The following PRXL2B variants were observed in gnomAD, a reference collection of about 807,000 sequenced individuals.
The protein encoded by PRXL2B is prostamide/prostaglandin F synthase.
Under a neutral mutation model 24.4 loss-of-function variants are expected in PRXL2B, and 26 were observed. That is an observed-to-expected ratio of 1.07 (90% confidence interval 0.78 to 1.48). PRXL2B has a LOEUF of 1.48. PRXL2B is among the 40% of genes most tolerant of loss of function. The pLI, the probability that PRXL2B is intolerant of heterozygous loss-of-function variation, is 0.00. For synonymous variants in PRXL2B, 115 were observed against 118.9 expected (o/e 0.97, Z 0.21); for missense variants, 269 against 264.8 (o/e 1.02, Z -0.11).
chr1:2,587,376 C>A lies in PRXL2B; in HGVS notation c.268+81C>A, dbSNP rs577997915. 327 of 1,467,824 alleles carry A rather than the reference C, an allele frequency of 2.2e-4. 2 individuals carry two copies. Among genetic ancestry groups the A allele is most frequent in the South Asian group, 1.6e-3 (129 of 82,148 alleles). 90.9% of individuals were successfully genotyped at this position (1,467,824 alleles called of 1,614,324 possible). A position where few individuals can be genotyped will look rare whatever the true frequency, so the allele number is the denominator to read the frequency against. On this transcript the variant is annotated intron_variant, in intron 2 of 6. Coordinates refer to ENST00000419916, the MANE Select transcript of PRXL2B (RefSeq NM_152371.5). This position sits in a 1 kb window ranked among gnomAD's most constrained non-coding sequence, Gnocchi z 6.1. ...TTCGGGGCCCTTTCCTGCCCAACCC[C>A]GGCCCTTCTGTCTGCTGGAGCGGCC... is the stretch of plus-strand genomic sequence containing the variant.
In PRXL2B at chr1:2,590,970, A is replaced by C; in HGVS notation, c.*1543A>C. 5.3e-6 allele frequency: 8 copies of C among 1,522,348 alleles called. No individual in the cohort carries two copies. The highest frequency in any genetic ancestry group is 7.1e-6 in the Non-Finnish European group (8 of 1,132,690). The allele number at this position is 1,522,348 out of a possible 1,614,324, so 94.3% of individuals were successfully genotyped here. On this transcript the variant is annotated 3_prime_UTR_variant, in exon 7 of 7. Transcript: ENST00000419916. ...CGAGCAGCGGGTGGGCGTGGGCCGC[A>C]CAGCGCGGCAGGGCCTTGGCTACCA...
In PRXL2B at chr1:2,586,809, G is replaced by C. The variant is rs578078116; in HGVS notation, c.-77G>C. ...GGGGCTGGATCTATGAGCCGGGAGC[G>C]GGGATCCAGGAGCGAGGAGCCGGGA... On this transcript the variant is annotated 5_prime_UTR_variant, in exon 1 of 7. Coordinates refer to ENST00000419916, the MANE Select transcript of PRXL2B (RefSeq NM_152371.5). The C allele has an allele frequency of 4.9e-5, 62 of 1,262,870 alleles. No homozygotes were observed. Among genetic ancestry groups the C allele is most frequent in the Non-Finnish European group, 6.2e-5 (62 of 1,005,304 alleles). 78.2% of individuals were successfully genotyped at this position (1,262,870 alleles called of 1,614,324 possible).
At position 2,586,788 on chromosome 1, in the gene PRXL2B, C is replaced by T. The variant is rs1644525131; in HGVS notation, c.-98C>T. ...GGGCATCTCGGGGCGGGGCTTGGGG[C>T]TGGATCTATGAGCCGGGAGCGGGGA... On this transcript the variant is annotated 5_prime_UTR_variant, in exon 1 of 7. Transcript: ENST00000419916. 5 of 1,258,504 alleles carry T rather than the reference C, an allele frequency of 4.0e-6. No individual in the cohort carries two copies. Among genetic ancestry groups the T allele is most frequent in the Non-Finnish European group, 1.0e-6 (1 of 1,004,458 alleles). 78.0% of individuals were successfully genotyped at this position (1,258,504 alleles called of 1,614,324 possible). A position where few individuals can be genotyped will look rare whatever the true frequency, so the allele number is the denominator to read the frequency against.
At chr1:2,588,199 A>T in intron 3 of PRXL2B, 191 bp from the exon 4 acceptor site, 1 of 728,416 alleles carries the variant, frequency 1.4e-6, no homozygotes, top group Non-Finnish European at 2.3e-6. Context: ...GCTAGCAGCC[A>T]CTGGGCTCGG....
Position 2,591,171 on chromosome 1 carries a change from C to CA in PRXL2B, c.*1745dup. On this transcript the variant is annotated 3_prime_UTR_variant, in exon 7 of 7. Coordinates refer to ENST00000419916, the MANE Select transcript of PRXL2B (RefSeq NM_152371.5). Reference sequence around the variant, plus strand: ...TTTTAAGTTCTCCGTGATTAAAAACCAGCCCAAAACATCAGCCTAATGGCT... The same window carrying CA: ...TTTTAAGTTCTCCGTGATTAAAAACCAAGCCCAAAACATCAGCCTAATGGCT... 1 of 925,240 alleles carries CA rather than the reference C, an allele frequency of 1.1e-6. No homozygotes were observed. Among genetic ancestry groups the CA allele is most frequent in the Non-Finnish European group, 1.6e-6 (1 of 627,982 alleles). The allele number at this position is 925,240 out of a possible 1,614,324, so 57.3% of individuals were successfully genotyped here. A position where few individuals can be genotyped will look rare whatever the true frequency, so the allele number is the denominator to read the frequency against.
Position 2,590,916 on chromosome 1 carries a change from C to A in PRXL2B, c.*1489C>A. The A allele has an allele frequency of 1.6e-5, 19 of 1,201,294 alleles. No individual in the cohort carries two copies. The highest frequency in any genetic ancestry group is 2.1e-5 in the Non-Finnish European group (19 of 916,978). The allele number at this position is 1,201,294 out of a possible 1,614,324, so 74.4% of individuals were successfully genotyped here. On this transcript the variant is annotated 3_prime_UTR_variant, in exon 7 of 7. Transcript: ENST00000419916. ...CGGGGCGGGACGTACACTGGGTCGC[C>A]GCTAGCTGCACCTTCGCACAGATGC...
At position 2,589,016 on chromosome 1, in the gene PRXL2B, G is replaced by A; in HGVS notation, c.555G>A (p.Glu185=). ...TGCAGGTCCTGGGCATCTCTGCGGA[G>A]GTCTGTGCCAGCGACCCGCCTCAGG... ...HILQVLGISA[E]VCASDPPQCD... The change falls in exon 6 of 7, where the codon GAG becomes GAA. Residue 185 remains glutamate (E), a synonymous_variant. Transcript: ENST00000419916. 1 of 1,613,148 alleles carries A rather than the reference G, an allele frequency of 6.2e-7. No homozygotes were observed. The highest frequency in any genetic ancestry group is 8.5e-7 in the Non-Finnish European group (1 of 1,179,962).
rs1393640370 is a variant in PRXL2B, at chr1:2,587,254, TG to T, written c.230del (p.Gly77ValfsTer27). 2 of 1,578,570 alleles carry T rather than the reference TG, an allele frequency of 1.3e-6. No homozygotes were observed. Among genetic ancestry groups the T allele is most frequent in the Non-Finnish European group, 1.7e-6 (2 of 1,168,414 alleles). On this transcript the variant is annotated frameshift_variant, in exon 2 of 7. Transcript: ENST00000419916. LOFTEE classifies it high-confidence loss of function. The surrounding 1 kb of genome is among the most constrained non-coding windows in gnomAD (Gnocchi z 6.1). Reference protein sequence around the residue: ...VRLVGVGPEALGLQEFLDGDY... With the variant: ...VRLVGVGPEAXGLQEFLDGDY... Reference sequence around the variant, plus strand: ...CTGGTGGGCGTAGGGCCCGAGGCCCTGGGTCTGCAGGAGTTCCTGGACGGCG... The same window carrying T: ...CTGGTGGGCGTAGGGCCCGAGGCCCTGGTCTGCAGGAGTTCCTGGACGGCG...
At position 2,587,204 on chromosome 1, in the gene PRXL2B, G is replaced by A. The variant is rs1321087618; in HGVS notation, c.177G>A (p.Gly59=). The change falls in exon 2 of 7, where the codon GGG becomes GGA. Residue 59 remains glycine (G), a synonymous_variant. Transcript: ENST00000419916. The surrounding 1 kb of genome is among the most constrained non-coding windows in gnomAD (Gnocchi z 6.1). The part of the protein sequence containing the change: ...WIAQDLSSLA[G]LLDQHGVRLV... ...CCCAGGACCTCAGCAGCCTTGCTGG[G>A]CTCCTGGACCAACACGGCGTGCGCC... 6.4e-7 allele frequency: 1 copy of A among 1,568,684 alleles called. No individual in the cohort carries two copies. Among genetic ancestry groups the A allele is most frequent in the African/African-American group, 1.3e-5 (1 of 74,268 alleles).
At position 2,591,288 on chromosome 1, in the gene PRXL2B, C is replaced by T. The variant is rs1644696406; in HGVS notation, c.*1861C>T. 1.7e-6 allele frequency: 1 copy of T among 596,296 alleles called. No homozygotes were observed. Among genetic ancestry groups the T allele is most frequent in the Admixed American group, 3.0e-5 (1 of 32,880 alleles). 36.9% of individuals were successfully genotyped at this position (596,296 alleles called of 1,614,324 possible). A position where few individuals can be genotyped will look rare whatever the true frequency, so the allele number is the denominator to read the frequency against. ...TCCTGAGAATAACCTCCCCTCCAGC[C>T]AGAGATATTCCAACTCTGCAATAAA... On this transcript the variant is annotated 3_prime_UTR_variant, in exon 7 of 7. Transcript: ENST00000419916.
At position 2,587,811 on chromosome 1, in the gene PRXL2B, C is replaced by A. The variant is rs966917721; in HGVS notation, c.320+19C>A. 2.3e-5 allele frequency: 36 copies of A among 1,588,808 alleles called. No individual in the cohort carries two copies. Among genetic ancestry groups the A allele is most frequent in the Non-Finnish European group, 2.9e-5 (34 of 1,168,056 alleles). ...TCAAGCGGTGAGTGGGGGCGGGAACCCTTGGGTAGCGTGGGGTGGGGGGCC... is the reference window on the plus strand; with the variant it reads ...TCAAGCGGTGAGTGGGGGCGGGAACACTTGGGTAGCGTGGGGTGGGGGGCC... On this transcript the variant is annotated intron_variant, in intron 3 of 6. Coordinates refer to ENST00000419916, the MANE Select transcript of PRXL2B (RefSeq NM_152371.5). This position sits in a 1 kb window ranked among gnomAD's most constrained non-coding sequence, Gnocchi z 6.1.
Position 2,590,986 on chromosome 1 carries a change from T to A in PRXL2B, c.*1559T>A. ...GTGGGCCGCACAGCGCGGCAGGGCC[T>A]TGGCTACCACACGCGGCATCGCTCC... On this transcript the variant is annotated 3_prime_UTR_variant, in exon 7 of 7. Coordinates refer to ENST00000419916, the MANE Select transcript of PRXL2B (RefSeq NM_152371.5). 6.3e-7 allele frequency: 1 copy of A among 1,577,518 alleles called. No individual in the cohort carries two copies. Among genetic ancestry groups the A allele is most frequent in the Non-Finnish European group, 8.6e-7 (1 of 1,163,068 alleles).
At position 2,591,294 on chromosome 1, in the gene PRXL2B, T is replaced by G. The variant is rs918881199; in HGVS notation, c.*1867T>G. 3.4e-6 allele frequency: 2 copies of G among 596,362 alleles called. No individual in the cohort carries two copies. Among genetic ancestry groups the G allele is most frequent in the Admixed American group, 3.0e-5 (1 of 32,926 alleles). 36.9% of individuals were successfully genotyped at this position (596,362 alleles called of 1,614,324 possible). A position where few individuals can be genotyped will look rare whatever the true frequency, so the allele number is the denominator to read the frequency against. ...GAATAACCTCCCCTCCAGCCAGAGATATTCCAACTCTGCAATAAAACTCTC... is the reference window on the plus strand; with the variant it reads ...GAATAACCTCCCCTCCAGCCAGAGAGATTCCAACTCTGCAATAAAACTCTC... On this transcript the variant is annotated 3_prime_UTR_variant, in exon 7 of 7. Transcript: ENST00000419916.
At position 2,586,946 on chromosome 1, in the gene PRXL2B, G is replaced by T; in HGVS notation, c.61G>T (p.Glu21Ter). The T allele has an allele frequency of 7.6e-7, 1 of 1,321,046 alleles. No individual in the cohort carries two copies. The highest frequency in any genetic ancestry group is 3.0e-5 in the East Asian group (1 of 33,612). 81.8% of individuals were successfully genotyped at this position (1,321,046 alleles called of 1,614,324 possible). A position where few individuals can be genotyped will look rare whatever the true frequency, so the allele number is the denominator to read the frequency against. The change falls in exon 1 of 7, where the codon GAG (glutamate) becomes TAG (stop). Residue 21 changes from glutamate (E) to a stop codon, truncating the protein, a stop_gained and splice_region_variant. Transcript: ENST00000419916. LOFTEE classifies it high-confidence loss of function. ...ACILKHAVTG[E>*]AVELRSLWRE... Reference sequence around the variant, plus strand: ...CATCCTGAAGCATGCGGTGACCGGGGAGGTGAGGCCGGGTGGACGCAGGGC... The same window carrying T: ...CATCCTGAAGCATGCGGTGACCGGGTAGGTGAGGCCGGGTGGACGCAGGGC...
rs553452833 is a variant in PRXL2B, at chr1:2,587,956, C to G, written c.320+164C>G. 2.4e-4 allele frequency among the ~76,000 whole-genome samples: 37 copies of G among 152,184 alleles called. No individual in the cohort carries two copies. The highest frequency in any genetic ancestry group is 8.7e-4 in the African/African-American group (36 of 41,532). ...ACTGTTGACCAGCCCTTCTGCCAGGCCTTCTCTTGGGTGCTGGGTGACTGT... is the reference window on the plus strand; with the variant it reads ...ACTGTTGACCAGCCCTTCTGCCAGGGCTTCTCTTGGGTGCTGGGTGACTGT... On this transcript the variant is annotated intron_variant, in intron 3 of 6. Coordinates refer to ENST00000419916, the MANE Select transcript of PRXL2B (RefSeq NM_152371.5). The surrounding 1 kb of genome is among the most constrained non-coding windows in gnomAD (Gnocchi z 6.1).
At position 2,589,575 on chromosome 1, in the gene PRXL2B, C is replaced by T. The variant is rs1471853381; in HGVS notation, c.*148C>T. The T allele has an allele frequency of 6.3e-6, 7 of 1,115,266 alleles. No individual in the cohort carries two copies. The African/African-American group carries it at 7.7e-5, about 12-fold the overall frequency. 69.1% of individuals were successfully genotyped at this position (1,115,266 alleles called of 1,614,324 possible). On this transcript the variant is annotated 3_prime_UTR_variant, in exon 7 of 7. Transcript: ENST00000419916. ...CGCCGGCAGCAACGAGCCATTAAAA[C>T]TGCAGTTCCTGACCACGCACTGCTT...
Position 2,587,287 on chromosome 1 carries a change from T to C in PRXL2B, c.260T>C (p.Phe87Ser). The part of the protein sequence containing the change: ...GLQEFLDGDY[F>S]AGELYLDESK... ...CAGGAGTTCCTGGACGGCGACTACT[T>C]CGCGGGAGGTGCGTCCTGTTCCCCG... The change falls in exon 2 of 7, where the codon TTC (phenylalanine) becomes TCC (serine). Residue 87 changes from phenylalanine to serine, a missense_variant. By Grantham distance (155) the Phe-to-Ser change is radical. Coordinates refer to ENST00000419916, the MANE Select transcript of PRXL2B (RefSeq NM_152371.5). This position sits in a 1 kb window ranked among gnomAD's most constrained non-coding sequence, Gnocchi z 6.1. The C allele has an allele frequency of 6.4e-7, 1 of 1,566,326 alleles. No homozygotes were observed. The highest frequency in any genetic ancestry group is 8.6e-7 in the Non-Finnish European group (1 of 1,162,330).
At chr1:2,589,350 C>T (rs978868857) in intron 6 of PRXL2B, 60 bp from the exon 7 acceptor site, 2 of 1,599,262 alleles carry the variant, frequency 1.3e-6, no homozygotes, top group Middle Eastern at 1.8e-4. Context: ...CAAGGGGGCC[C>T]TCCAGGCATT....
chr1:2,587,064 C>A lies in PRXL2B; in HGVS notation c.64-27C>A. 1 of 1,447,212 alleles carries A rather than the reference C, an allele frequency of 6.9e-7. No homozygotes were observed. Among genetic ancestry groups the A allele is most frequent in the Admixed American group, 2.7e-5 (1 of 37,430 alleles). 89.6% of individuals were successfully genotyped at this position (1,447,212 alleles called of 1,614,324 possible). A position where few individuals can be genotyped will look rare whatever the true frequency, so the allele number is the denominator to read the frequency against. ...CTGGGCGGGGCTGGGGGCAACGGGG[C>A]GCGCCCATGACCCAGCCGCCCGGCA... On this transcript the variant is annotated intron_variant, in intron 1 of 6. Transcript: ENST00000419916. The surrounding 1 kb of genome is among the most constrained non-coding windows in gnomAD (Gnocchi z 6.1).
Sources: gnomAD v4.1 joint callset for allele counts (sites outside exome capture counted in the v4.1 genomes callset) on GRCh38, gnomAD v4.1.1 for gene constraint, Gnocchi (gnomAD v3.1) non-coding constraint, MANE v1.5 for transcripts, NCBI Gene and HGNC (gene_info 2026-07-23, HGNC 2026-07-21) for gene names.